COLEC12: variants seen among roughly 807,000 people sequenced by gnomAD.
The protein encoded by COLEC12 is collectin subfamily member 12, also known as collectin-12.
Under a neutral mutation model 71.1 loss-of-function variants are expected in COLEC12, and 33 were observed. The ratio of observed to expected loss-of-function variants is 0.46; its 90% CI spans 0.35 to 0.62. The LOEUF is 0.62. COLEC12 is among the 20% of genes least tolerant of loss of function. COLEC12 has a pLI of 0.00. For missense variants in COLEC12, 765 were observed against 916.1 expected (o/e 0.84, Z 2.13); for synonymous variants, 350 against 353.0 (o/e 0.99, Z 0.10).
At chr18:354,912 C>T (rs1422793030) in intron 3 of COLEC12, among the ~76,000 whole-genome samples, 2 of 152,094 alleles carry the variant, frequency 1.3e-5, no homozygotes, top group Non-Finnish European at 2.9e-5. Context: ...AGCCAATCTC[C>T]AAAACATTAG....
chr18:493,017 A>G (rs1917646805), intron 1 of COLEC12, among the ~76,000 whole-genome samples: 2 of 152,182 alleles, frequency 1.3e-5, no homozygotes, highest in South Asian at 4.1e-4. Context: ...AGCCTGAGCA[A>G]CATAGCAAAA....
intron 3 of COLEC12, among the ~76,000 whole-genome samples, chr18:349,658 A>C (rs1914464915): frequency 6.6e-6 from 1 of 152,236 alleles, no homozygotes; most frequent in Non-Finnish European, 1.5e-5. Flanking sequence ...CCATGAAAGC[A>C]GCAGGGAGAG....
rs554521453 is a variant in COLEC12, at chr18:424,749, G to A, written c.58+55958C>T. Among the ~76,000 whole-genome samples the A allele has an allele frequency of 2.0e-5, 3 of 152,300 alleles. No homozygotes were observed. The South Asian group carries it at 6.2e-4, about 32-fold the overall frequency. On this transcript the variant is annotated intron_variant, in intron 2 of 9. Coordinates refer to ENST00000400256, the MANE Select transcript of COLEC12 (RefSeq NM_130386.3). ...TCAATAAGTCACTCGTCAATGTACTGGCTCAACAAGTATGTTGGACCTACT... is the reference window on the plus strand; with the variant it reads ...TCAATAAGTCACTCGTCAATGTACTAGCTCAACAAGTATGTTGGACCTACT...
intron 2 of COLEC12, among the ~76,000 whole-genome samples, chr18:409,374 TAAAACAA>T (rs1915849477): frequency 6.6e-6 from 1 of 151,928 alleles, no homozygotes. Flanking sequence ...TCTCTACTAA[TAAAACAA>T]AAATTAGCTG....
intron 1 of COLEC12, among the ~76,000 whole-genome samples, chr18:493,560 G>A (rs955855931): frequency 1.3e-5 from 2 of 152,178 alleles, no homozygotes; most frequent in Non-Finnish European, 2.9e-5. Context: ...TCTCTACTTT[G>A]GATTCCAGTT....
chr18:470,217 G>A (rs1440471141), intron 2 of COLEC12, among the ~76,000 whole-genome samples: 1 of 137,000 alleles, frequency 7.3e-6, no homozygotes, highest in Non-Finnish European at 1.5e-5. Flanking sequence ...TTGAGGCCAG[G>A]AAATTTTTTT....
chr18:461,972 A>G (rs770725198), intron 2 of COLEC12, among the ~76,000 whole-genome samples: 8 of 152,222 alleles, frequency 5.3e-5, no homozygotes, highest in Non-Finnish European at 7.3e-5. Context: ...CATATCTAAA[A>G]CCACTCTTAG....
chr18:323,364 C>T (rs1372752536), intron 8 of COLEC12, among the ~76,000 whole-genome samples: 1 of 152,152 alleles, frequency 6.6e-6, no homozygotes, highest in Non-Finnish European at 1.5e-5. Flanking sequence ...AATAGTCTCA[C>T]TCACTCACTC....
At chr18:489,449 G>A (rs1917580326) in intron 1 of COLEC12, among the ~76,000 whole-genome samples, 1 of 152,166 alleles carries the variant, frequency 6.6e-6, no homozygotes, top group Non-Finnish European at 1.5e-5. Context: ...ATGTCTGGGT[G>A]TGTCTGTGTG....
chr18:488,278 A>G (rs1179189597), intron 1 of COLEC12, among the ~76,000 whole-genome samples: 2 of 151,296 alleles, frequency 1.3e-5, no homozygotes, highest in Non-Finnish European at 3.0e-5. Flanking sequence ...GGGCATAGTG[A>G]TACATACCTG....
At chr18:353,289 G>A (rs1257694693) in intron 3 of COLEC12, among the ~76,000 whole-genome samples, 2 of 152,030 alleles carry the variant, frequency 1.3e-5, no homozygotes, top group Admixed American at 6.5e-5. Context: ...GCTCTTTGCC[G>A]GATGCACTAC....
At chr18:482,977 A>G (rs1917452439) in intron 1 of COLEC12, among the ~76,000 whole-genome samples, 1 of 152,200 alleles carries the variant, frequency 6.6e-6, no homozygotes, top group Non-Finnish European at 1.5e-5. Context: ...GTCTTTTTCA[A>G]TCCCCAAAAG....
At chr18:443,154 TG>T (rs1261731980) in intron 2 of COLEC12, among the ~76,000 whole-genome samples, 2 of 152,232 alleles carry the variant, frequency 1.3e-5, no homozygotes, top group Admixed American at 6.5e-5. Context: ...ATACATATTC[TG>T]TATGTATATA....
In COLEC12 at chr18:346,754, G is replaced by A. The variant is rs374313528; in HGVS notation, c.868C>T (p.Leu290Phe). 92 of 1,614,098 alleles carry A rather than the reference G, an allele frequency of 5.7e-5. No homozygotes were observed. In the Admixed American group the frequency reaches 1.5e-3, roughly 26 times the overall value. ...TCCATCTGACCTGTGAATGAGTTGA[G>A]CTGGCTGTTCATATCCTCCAGGGTG... Reference protein sequence around the residue: ...NDTLEDMNSQLNSFTGQMENI... With the variant: ...NDTLEDMNSQFNSFTGQMENI... Residue 290 changes from leucine (L) to phenylalanine (F), a missense_variant, in exon 5 of 10, where the codon CTC becomes TTC. Coordinates refer to ENST00000400256, the MANE Select transcript of COLEC12 (RefSeq NM_130386.3). This position sits in a 1 kb window ranked among gnomAD's most constrained non-coding sequence, Gnocchi z 4.0.
At chr18:469,118 G>A (rs1367411259) in intron 2 of COLEC12, among the ~76,000 whole-genome samples, 1 of 152,252 alleles carries the variant, frequency 6.6e-6, no homozygotes, top group Non-Finnish European at 1.5e-5. Flanking sequence ...GCAGGACAAA[G>A]GAAAGGGACT....
intron 2 of COLEC12, among the ~76,000 whole-genome samples, chr18:434,705 C>T (rs114646586): frequency 2.5e-3 from 378 of 152,358 alleles, no homozygotes; most frequent in African/African-American, 8.7e-3. Flanking sequence ...ATAGTGCCAT[C>T]AAAATCATCT....
At chr18:364,066 T>G (rs908434537) in intron 2 of COLEC12, among the ~76,000 whole-genome samples, 2 of 152,240 alleles carry the variant, frequency 1.3e-5, no homozygotes, top group African/African-American at 4.8e-5. Flanking sequence ...TCGACGTTCA[T>G]GCTGAACTTA....
chr18:461,698 T>C (rs1468018956), intron 2 of COLEC12, among the ~76,000 whole-genome samples: 2 of 152,222 alleles, frequency 1.3e-5, no homozygotes, highest in African/African-American at 4.8e-5. Flanking sequence ...AAGAGATTTT[T>C]TTTTTCTTTC....
rs1056544412 is a variant in COLEC12 at position 318,176 on chromosome 18, T to G, written c.*1869A>C. ...TTTGTATTTTTAGTAGAGACGGGGT[T>G]TCACCGTGTTAGCCAGGATGGTCTC... On this transcript the variant is annotated 3_prime_UTR_variant, in exon 10 of 10. Coordinates refer to ENST00000400256, the MANE Select transcript of COLEC12 (RefSeq NM_130386.3). 4.0e-5 allele frequency: 6 copies of G among 151,798 alleles called. No homozygotes were observed. The highest frequency in any genetic ancestry group is 1.9e-4 in the East Asian group (1 of 5,148). 9.4% of individuals were successfully genotyped at this position (151,798 alleles called of 1,614,324 possible).
Sources: allele counts gnomAD v4.1 joint callset (sites outside exome capture counted in the v4.1 genomes callset), GRCh38; gene constraint gnomAD v4.1.1; non-coding constraint Gnocchi (gnomAD v3.1); transcripts MANE v1.5; gene names NCBI Gene and HGNC (gene_info 2026-07-23, HGNC 2026-07-21).